The following PDK1 variants were observed in gnomAD, a reference collection of about 807,000 sequenced individuals.
PDK1 encodes the protein pyruvate dehydrogenase kinase 1, also known as [Pyruvate dehydrogenase (acetyl-transferring)] kinase isozyme 1, mitochondrial.
PDK1 carries 39 observed loss-of-function variants against 54.2 expected under a neutral mutation model. The observed-to-expected ratio is 0.72, with a 90% confidence interval of 0.56 to 0.94. The LOEUF (loss-of-function observed/expected upper bound fraction) is 0.94, where lower values mean the gene tolerates loss of function less well. PDK1 is among the 40% of genes least tolerant of loss of function. The pLI is 0.00. For synonymous variants in PDK1, 221 were observed against 207.1 expected (o/e 1.07, Z -0.58); for missense variants, 552 against 566.0 (o/e 0.98, Z 0.25).
At chr2:172,647,211 A>G in the PDK1 span, among the ~76,000 whole-genome samples, 1 of 152,198 alleles carries the variant, frequency 6.6e-6, no homozygotes, top group Non-Finnish European at 1.5e-5. Flanking sequence ...GTTTATTTAC[A>G]GAATCTAGAT....
At chr2:172,684,615 A>G in the PDK1 span, among the ~76,000 whole-genome samples, 2 of 152,140 alleles carry the variant, frequency 1.3e-5, no homozygotes, top group Non-Finnish European at 2.9e-5. Flanking sequence ...AGCTGGGATC[A>G]AGGGGCTGAC....
chr2:172,655,638 G>A, the PDK1 span, among the ~76,000 whole-genome samples: 2 of 152,218 alleles, frequency 1.3e-5, no homozygotes, highest in African/African-American at 4.8e-5. Context: ...TGTTTGACAG[G>A]GGTGTGGCTT....
chr2:172,662,988 C>T, the PDK1 span, among the ~76,000 whole-genome samples: 1 of 152,156 alleles, frequency 6.6e-6, no homozygotes, highest in African/African-American at 2.4e-5. Context: ...ATATTCAATG[C>T]ATATTTGCTG....
the PDK1 span, among the ~76,000 whole-genome samples, chr2:172,624,848 C>T: frequency 1.2e-4 from 18 of 152,102 alleles, no homozygotes; most frequent in Non-Finnish European, 2.4e-4. Context: ...ATTAGCTGGG[C>T]GTGGTGTTGT....
At chr2:172,666,043 G>T in the PDK1 span, among the ~76,000 whole-genome samples, 1 of 152,202 alleles carries the variant, frequency 6.6e-6, no homozygotes, top group East Asian at 1.9e-4. Context: ...CCTCTTCCCA[G>T]ATTTCTGGTA....
At chr2:172,593,981 G>GT (rs1193354916) in intron 10 of PDK1, among the ~76,000 whole-genome samples, 1 of 148,580 alleles carries the variant, frequency 6.7e-6, no homozygotes, top group Admixed American at 6.7e-5. Flanking sequence ...GGTATTTTTT[G>GT]TTTTTTTAAC....
chr2:172,584,695 C>T (rs926800964), intron 8 of PDK1, among the ~76,000 whole-genome samples: 4 of 147,146 alleles, frequency 2.7e-5, no homozygotes, highest in Non-Finnish European at 6.0e-5. Flanking sequence ...TATTCTGTCA[C>T]CCAGGTTGGA....
chr2:172,556,447 G>A (rs1012824979), intron 1 of PDK1, 101 bp downstream of exon 1: 2 of 808,910 alleles, frequency 2.5e-6, no homozygotes, highest in Non-Finnish European at 3.5e-6. Context: ...TCTCGCCTGA[G>A]GCGCACCCCT....
intron 1 of PDK1, chr2:172,558,355 T>C (rs1688465602): frequency 5.5e-6 from 1 of 180,858 alleles, no homozygotes; most frequent in African/African-American, 2.4e-5. Context: ...GGATAGACTT[T>C]TCCAGGTTCT....
intron 8 of PDK1, among the ~76,000 whole-genome samples, chr2:172,579,820 A>T: frequency 1.4e-5 from 2 of 145,338 alleles, no homozygotes; most frequent in Admixed American, 6.9e-5. Flanking sequence ...TTTTCTTGAT[A>T]TTTTCCTTTT....
rs1162505680 is a variant in PDK1, at chr2:172,601,324, A to T, written c.*5355A>T. 6.6e-6 allele frequency: 1 copy of T among 152,214 alleles called. No individual in the cohort carries two copies. Among genetic ancestry groups the T allele is most frequent in the Admixed American group, 6.5e-5 (1 of 15,278 alleles). 9.4% of individuals were successfully genotyped at this position (152,214 alleles called of 1,614,324 possible). On this transcript the variant is annotated 3_prime_UTR_variant, in exon 11 of 11. Coordinates refer to ENST00000282077, the MANE Select transcript of PDK1 (RefSeq NM_002610.5). ...AAGTTACGGGTTTATTTTAAAGTTT[A>T]AAATAGAAGTAAACAAGCAAACATA...
chr2:172,581,690 C>G (rs57696969), intron 8 of PDK1, among the ~76,000 whole-genome samples: 2,752 of 152,264 alleles, frequency 0.018, 53 homozygotes, highest in East Asian at 0.1. Flanking sequence ...CTTTGATCCC[C>G]ATTACTTACC....
chr2:172,693,547 A>G, the PDK1 span, among the ~76,000 whole-genome samples: 1 of 152,208 alleles, frequency 6.6e-6, no homozygotes, highest in East Asian at 1.9e-4. Flanking sequence ...CTGATGCTAT[A>G]TGAGTGTTTG....
chr2:172,689,657 G>A, the PDK1 span, among the ~76,000 whole-genome samples: 1 of 152,094 alleles, frequency 6.6e-6, no homozygotes, highest in Non-Finnish European at 1.5e-5. Context: ...CAGAGATATA[G>A]ACCAATGGAA....
the PDK1 span, among the ~76,000 whole-genome samples, chr2:172,628,155 A>G: frequency 1.3e-5 from 2 of 152,308 alleles, no homozygotes; most frequent in South Asian, 2.1e-4. Flanking sequence ...TCATTGATTT[A>G]TTATTTTGCC....
chr2:172,568,938 T>C, intron 7 of PDK1, 121 bp downstream of exon 7: 1 of 657,846 alleles, frequency 1.5e-6, no homozygotes, highest in Non-Finnish European at 2.8e-6. Context: ...ATCAGTATCA[T>C]ATCACATTGC....
the PDK1 span, among the ~76,000 whole-genome samples, chr2:172,638,641 CT>C: frequency 6.6e-6 from 1 of 152,078 alleles, no homozygotes; most frequent in Admixed American, 6.6e-5. Context: ...ACTTGGAGAA[CT>C]TTTCTGTCTA....
chr2:172,579,223 T>C (rs1470189584), intron 8 of PDK1, among the ~76,000 whole-genome samples: 2 of 152,194 alleles, frequency 1.3e-5, no homozygotes, highest in African/African-American at 4.8e-5. Flanking sequence ...CTAATTGTTT[T>C]TGACAGATGT....
chr2:172,594,553 G>T (rs958599300), intron 10 of PDK1, among the ~76,000 whole-genome samples: 70 of 152,356 alleles, frequency 4.6e-4, no homozygotes, highest in African/African-American at 1.5e-3. Context: ...TGGGCCGCAT[G>T]CAGCCTGTGG....
Sources: gnomAD v4.1 joint callset for allele counts (sites outside exome capture counted in the v4.1 genomes callset) on GRCh38, gnomAD v4.1.1 for gene constraint, MANE v1.5 for transcripts, NCBI Gene and HGNC (gene_info 2026-07-23, HGNC 2026-07-21) for gene names.